ZNF248: variants seen among roughly 807,000 people sequenced by gnomAD.
The protein encoded by ZNF248 is zinc finger protein 248, also known as KRAB protein domain.
ZNF248 carries 20 observed loss-of-function variants against 44.3 expected under a neutral mutation model. That is an observed-to-expected ratio of 0.45 (90% CI 0.32 to 0.66). The LOEUF is 0.66. ZNF248 is among the 30% of genes least tolerant of loss of function. The pLI is 0.04. For missense variants in ZNF248, 654 were observed against 677.0 expected (o/e 0.97, Z 0.38); for synonymous variants, 224 against 229.0 (o/e 0.98, Z 0.20).
At position 37,820,055 on chromosome 10, in the gene ZNF248, C is replaced by T. The variant is rs1332619502; in HGVS notation, c.330+12970G>A. On this transcript the variant is annotated intron_variant, in intron 6 of 6. Transcript: ENST00000615949. ...GACTTTCTTGCTCATTGTCACACAT[C>T]TATTTAATCATCCTTGTATCTCTGT... 3.7e-6 allele frequency: 3 copies of T among 817,514 alleles called. No homozygotes were observed. In the African/African-American group the frequency reaches 5.0e-5, roughly 14 times the overall value. 50.6% of individuals were successfully genotyped at this position (817,514 alleles called of 1,614,324 possible).
At chr10:37,762,444 C>T in the ZNF248 span, among the ~76,000 whole-genome samples, 1 of 152,050 alleles carries the variant, frequency 6.6e-6, no homozygotes, top group African/African-American at 2.4e-5. Flanking sequence ...GGATTTGAGC[C>T]CAGGAAGTCT....
At chr10:37,826,668 A>T (rs545862988), downstream of ZNF248, among the ~76,000 whole-genome samples, 18 of 152,346 alleles carry the variant, frequency 1.2e-4, no homozygotes, top group Admixed American at 7.2e-4. Flanking sequence ...TAGTAGTATC[A>T]ATTCATCTAC....
chr10:37,830,841 ATAAT>A lies in ZNF248; in HGVS notation c.*770_*773del, dbSNP rs2055420726. On this transcript the variant is annotated 3_prime_UTR_variant, in exon 6 of 6. Transcript: ENST00000395867. ...AAAGGTAATAGTGAAATGTAGCAAA[ATAAT>A]TAGGAAGTGATGAGTGCTGAGTATT... 5.3e-6 allele frequency: 1 copy of A among 188,364 alleles called. No individual in the cohort carries two copies. Among genetic ancestry groups the A allele is most frequent in the South Asian group, 1.6e-4 (1 of 6,164 alleles). The allele number at this position is 188,364 out of a possible 1,614,324, so 11.7% of individuals were successfully genotyped here. A position where few individuals can be genotyped will look rare whatever the true frequency, so the allele number is the denominator to read the frequency against.
chr10:37,818,952 C>T (rs1329951429), intron 6 of ZNF248: 2 of 1,101,630 alleles, frequency 1.8e-6, no homozygotes, highest in Non-Finnish European at 2.8e-6. Context: ...TATTTGAGAT[C>T]TTTGGTGGTT....
intron 3 of ZNF248, among the ~76,000 whole-genome samples, chr10:37,851,780 AAAAAAAAAAAAAAAC>A (rs2060283253): frequency 6.7e-6 from 1 of 149,960 alleles, no homozygotes; most frequent in Non-Finnish European, 1.5e-5. Context: ...AAAAAAAAAA[AAAAAAAAAAAAAAAC>A]CAGTGCTAAC....
chr10:37,761,201 C>A, the ZNF248 span, among the ~76,000 whole-genome samples: 1 of 152,192 alleles, frequency 6.6e-6, no homozygotes, highest in Non-Finnish European at 1.5e-5. Flanking sequence ...ATTGGCCCAT[C>A]TTGGATTAAA....
At chr10:37,796,656 T>C (rs187481187) in intron 6 of ZNF248, among the ~76,000 whole-genome samples, 39 of 152,158 alleles carry the variant, frequency 2.6e-4, no homozygotes, top group African/African-American at 9.1e-4. Context: ...CCAATCCTAA[T>C]CACCAAATCC....
At chr10:37,846,918 C>T (rs2134492156) in intron 3 of ZNF248, among the ~76,000 whole-genome samples, 1 of 152,304 alleles carries the variant, frequency 6.6e-6, no homozygotes, top group Admixed American at 6.5e-5. Context: ...AAAGACATTT[C>T]AACCATATTT....
chr10:37,766,469 G>A, the ZNF248 span, among the ~76,000 whole-genome samples: 1 of 152,146 alleles, frequency 6.6e-6, no homozygotes, highest in East Asian at 1.9e-4. Flanking sequence ...CTGTTCTACA[G>A]CCACCACTGT....
intron 6 of ZNF248, among the ~76,000 whole-genome samples, chr10:37,786,362 G>A (rs78687249): frequency 0.011 from 1,660 of 152,260 alleles, 37 homozygotes; most frequent in African/African-American, 0.038. Context: ...CCCAAATTAT[G>A]TGGGAGAGGG....
At chr10:37,815,806 T>A (rs972553182) in intron 6 of ZNF248, among the ~76,000 whole-genome samples, 11 of 152,072 alleles carry the variant, frequency 7.2e-5, no homozygotes, top group African/African-American at 2.7e-4. Context: ...TCTCATTCAT[T>A]TATTTTTAAA....
chr10:37,810,875 C>T (rs1381524659), intron 6 of ZNF248, among the ~76,000 whole-genome samples: 1 of 152,100 alleles, frequency 6.6e-6, no homozygotes, highest in Admixed American at 6.5e-5. Flanking sequence ...ATAATAATTT[C>T]AGAGCCAAGT....
In ZNF248 at chr10:37,829,804, C is replaced by T. The variant is rs915468202; in HGVS notation, c.*1811G>A. On this transcript the variant is annotated 3_prime_UTR_variant, in exon 6 of 6. Coordinates refer to ENST00000395867, the MANE Select transcript of ZNF248 (RefSeq NM_021045.3). ...AAGGAGATCTTTCCCAGAAGTACTA[C>T]ACAATACTTCCCAAACATCTCATTG... 9 of 985,302 alleles carry T rather than the reference C, an allele frequency of 9.1e-6. No individual in the cohort carries two copies. The highest frequency in any genetic ancestry group is 1.1e-5 in the Non-Finnish European group (9 of 829,924). The allele number at this position is 985,302 out of a possible 1,614,324, so 61.0% of individuals were successfully genotyped here.
chr10:37,781,246 T>C (rs1191769071), intron 6 of ZNF248, among the ~76,000 whole-genome samples: 4 of 152,128 alleles, frequency 2.6e-5, no homozygotes, highest in African/African-American at 9.7e-5. Flanking sequence ...ACGATATTCA[T>C]TGTGAAGGGT....
At position 37,792,108 on chromosome 10, in the gene ZNF248, G is replaced by C. The variant is rs535482147; in HGVS notation, c.331-15533C>G. On this transcript the variant is annotated intron_variant, in intron 6 of 6. Coordinates refer to the ZNF248 transcript ENST00000615949. Reference sequence around the variant, plus strand: ...TCTCATGCCTGGGACCAGAGAGGCAGATGAGAAACTGCCTCCCACAAGATA... The same window carrying C: ...TCTCATGCCTGGGACCAGAGAGGCACATGAGAAACTGCCTCCCACAAGATA... 5.9e-5 allele frequency among the ~76,000 whole-genome samples: 9 copies of C among 152,264 alleles called. No homozygotes were observed. The South Asian group carries it at 1.4e-3, about 25-fold the overall frequency.
chr10:37,846,789 G>C (rs2059390610), intron 3 of ZNF248, among the ~76,000 whole-genome samples: 1 of 152,050 alleles, frequency 6.6e-6, no homozygotes, highest in African/African-American at 2.4e-5. Flanking sequence ...AAAATACAGG[G>C]ATCACAGAAA....
chr10:37,767,517 C>A, the ZNF248 span, among the ~76,000 whole-genome samples: 3 of 152,082 alleles, frequency 2.0e-5, no homozygotes, highest in Admixed American at 6.6e-5. Context: ...TCATATCCAG[C>A]CAAACTAAGC....
At chr10:37,784,306 T>C (rs917616542) in intron 6 of ZNF248, among the ~76,000 whole-genome samples, 1 of 152,202 alleles carries the variant, frequency 6.6e-6, no homozygotes, top group African/African-American at 2.4e-5. Context: ...GTCCAGAGTA[T>C]ACAGATATGT....
At chr10:37,768,283 A>G in the ZNF248 span, among the ~76,000 whole-genome samples, 1 of 152,202 alleles carries the variant, frequency 6.6e-6, no homozygotes, top group Middle Eastern at 3.2e-3. Flanking sequence ...GACCTAATAG[A>G]CATCTACAGA....
Sources: gnomAD v4.1 joint callset for allele counts (sites outside exome capture counted in the v4.1 genomes callset) on GRCh38, gnomAD v4.1.1 for gene constraint, MANE v1.5 for transcripts, NCBI Gene and HGNC (gene_info 2026-07-23, HGNC 2026-07-21) for gene names.